The following SLC38A8 variants were observed in gnomAD, a reference collection of about 807,000 sequenced individuals.
SLC38A8 encodes amino acid transporter SLC38A8.
SLC38A8 carries 65 observed loss-of-function variants against 46.0 expected under a neutral mutation model. The observed-to-expected ratio is 1.41, with a 90% CI of 1.16 to 1.74. SLC38A8 has a LOEUF of 1.74. Among genes scored for constraint, SLC38A8 ranks in the 40% most tolerant of loss-of-function variants. The pLI is 0.00. For missense variants in SLC38A8, 998 were observed against 567.9 expected, an observed-to-expected ratio of 1.76 and a Z score of -7.70; for synonymous variants, 447 against 243.7, an observed-to-expected ratio of 1.83 and a Z score of -7.77.
At chr16:84,016,784 C>T (rs954887083) in intron 8 of SLC38A8, 57 bp from the exon 9 acceptor site, 80 of 1,552,106 alleles carry the variant, frequency 5.2e-5, no homozygotes, top group Middle Eastern at 2.3e-4. Flanking sequence ...AGCCTCCACC[C>T]GACAGCTGCT....
chr16:84,040,744 G>C (rs976089102), intron 2 of SLC38A8, among the ~76,000 whole-genome samples: 5 of 152,042 alleles, frequency 3.3e-5, no homozygotes, highest in African/African-American at 7.3e-5. Context: ...AGAGGCTTCC[G>C]ACCACGCCAT....
chr16:84,037,714 T>C (rs1265286492), intron 2 of SLC38A8, among the ~76,000 whole-genome samples: 1 of 151,060 alleles, frequency 6.6e-6, no homozygotes, highest in Non-Finnish European at 1.5e-5. Flanking sequence ...TGAGCCAAAA[T>C]TGTACCTCTG....
At chr16:84,028,045 ATT>A (rs11297375) in intron 6 of SLC38A8, among the ~76,000 whole-genome samples, 4,625 of 145,344 alleles carry the variant, frequency 0.032, 250 homozygotes, top group African/African-American at 0.11. Context: ...ATGTTTCAAG[ATT>A]TTTTTTTTTT....
In SLC38A8 at chr16:84,009,808, C is replaced by G. The variant is rs140069328; in HGVS notation, c.1284G>C (p.Ala428=). Residue 428 remains alanine (A), a synonymous_variant, in exon 11 of 11, where the codon GCG becomes GCC. Coordinates refer to ENST00000299709, the MANE Select transcript of SLC38A8 (RefSeq NM_001080442.3). ...ATCAGAACATCTCCCAGACCGCTGC[C>G]GCCGTGCTCTGCCCAAAGATGAAGG... ...VGTFIFGQST[A]AAVWEMF 4 of 1,614,020 alleles carry G rather than the reference C, an allele frequency of 2.5e-6. No individual in the cohort carries two copies. Among genetic ancestry groups the G allele is most frequent in the Non-Finnish European group, 1.7e-6 (2 of 1,179,940 alleles).
rs1395488526 is a variant in SLC38A8, at chr16:84,016,681, C to T, written c.1000G>A (p.Gly334Arg). ...FWRRSCLGGW[G>R]PSALADPSGL... is the part of the protein sequence containing the mutation. ...GAGGGGTCGGCCAGGGCGCTGGGCC[C>T]CCATCCCCCCAAGCAGCTCCTCCTC... The change falls in exon 9 of 11, where the codon GGG (glycine) becomes AGG (arginine). Residue 334 changes from glycine (G) to arginine (R), a missense_variant. By Grantham distance (125) the Gly-to-Arg change is moderately radical. Coordinates refer to ENST00000299709, the MANE Select transcript of SLC38A8 (RefSeq NM_001080442.3). 1 of 1,613,472 alleles carries T rather than the reference C, an allele frequency of 6.2e-7. No homozygotes were observed. The highest frequency in any genetic ancestry group is 1.7e-5 in the Admixed American group (1 of 60,016).
At chr16:84,022,007 T>G (rs1316198902) in intron 7 of SLC38A8, among the ~76,000 whole-genome samples, 1 of 152,196 alleles carries the variant, frequency 6.6e-6, no homozygotes, top group Non-Finnish European at 1.5e-5. Flanking sequence ...AATCCATGAA[T>G]AGATTAATCC....
chr16:84,016,472 G>C, intron 9 of SLC38A8, 47 bp downstream of exon 9: 1 of 1,595,802 alleles, frequency 6.3e-7, no homozygotes, highest in African/African-American at 1.3e-5. Flanking sequence ...ACAGAGATGA[G>C]CAGGGAAGAA....
intron 9 of SLC38A8, among the ~76,000 whole-genome samples, chr16:84,013,433 T>TTTTTTG (rs2084980435): frequency 7.8e-6 from 1 of 128,468 alleles, no homozygotes; most frequent in Non-Finnish European, 1.6e-5. Context: ...TGTTTTTTTT[T>TTTTTTG]TTTTTTTTTT....
intron 7 of SLC38A8, among the ~76,000 whole-genome samples, chr16:84,019,543 A>C (rs2085071545): frequency 6.6e-6 from 1 of 152,234 alleles, no homozygotes; most frequent in African/African-American, 2.4e-5. Flanking sequence ...ATTTAATTTC[A>C]ACAAGAGTTT....
At chr16:84,020,643 G>A (rs561625777) in intron 7 of SLC38A8, among the ~76,000 whole-genome samples, 22 of 152,294 alleles carry the variant, frequency 1.4e-4, no homozygotes, top group African/African-American at 3.4e-4. Flanking sequence ...CCAGGGTCCC[G>A]GGAGCAGAGA....
intron 6 of SLC38A8, among the ~76,000 whole-genome samples, chr16:84,025,080 C>G (rs561566607): frequency 6.6e-6 from 1 of 152,162 alleles, no homozygotes; most frequent in Non-Finnish European, 1.5e-5. Context: ...TGGTGATTCA[C>G]GAACAGCCAA....
intron 7 of SLC38A8, among the ~76,000 whole-genome samples, chr16:84,017,900 G>A (rs1312695313): frequency 6.6e-6 from 1 of 152,174 alleles, no homozygotes; most frequent in Non-Finnish European, 1.5e-5. Flanking sequence ...GTGGGAACAT[G>A]TGGAGGTGAT....
At chr16:84,025,425 G>A (rs563171561) in intron 6 of SLC38A8, among the ~76,000 whole-genome samples, 4 of 152,284 alleles carry the variant, frequency 2.6e-5, no homozygotes, top group East Asian at 1.9e-4. Flanking sequence ...GAGCCCTCCC[G>A]AGTGGGCTGG....
chr16:84,029,929 G>A (rs1358924736), intron 5 of SLC38A8, among the ~76,000 whole-genome samples: 5 of 152,186 alleles, frequency 3.3e-5, no homozygotes, highest in Non-Finnish European at 7.3e-5. Context: ...GCACAAGGAT[G>A]GTTTGAGCTC....
At chr16:84,023,566 G>A (rs973171378) in intron 6 of SLC38A8, among the ~76,000 whole-genome samples, 5 of 151,956 alleles carry the variant, frequency 3.3e-5, no homozygotes, top group South Asian at 4.1e-4. Flanking sequence ...CCTCAACACA[G>A]ACGAATCTCA....
intron 10 of SLC38A8, among the ~76,000 whole-genome samples, chr16:84,011,864 A>G (rs1433190904): frequency 6.6e-6 from 1 of 152,188 alleles, no homozygotes; most frequent in Non-Finnish European, 1.5e-5. Context: ...AGCCGGAGCA[A>G]CAGAGCAAGA....
At chr16:84,026,007 A>G (rs1356854403) in intron 6 of SLC38A8, among the ~76,000 whole-genome samples, 1 of 152,184 alleles carries the variant, frequency 6.6e-6, no homozygotes, top group Non-Finnish European at 1.5e-5. Flanking sequence ...AGTGCCCACA[A>G]TGGGGACCTC....
chr16:84,020,885 C>A (rs939036372), intron 7 of SLC38A8, among the ~76,000 whole-genome samples: 1 of 152,222 alleles, frequency 6.6e-6, no homozygotes, highest in African/African-American at 2.4e-5. Flanking sequence ...CTCTATACGG[C>A]CAGGCTGAAA....
chr16:84,009,882 C>CA lies in SLC38A8; in HGVS notation c.1215-6dup. On this transcript the variant is annotated splice_region_variant and splice_polypyrimidine_tract_variant and intron_variant, in intron 10 of 10. Transcript: ENST00000299709. The stretch of plus-strand genomic sequence containing the variant: ...CCCCAGACCTCCAGGCAGCACCTGC[C>CA]AAGTGAATAAACCCATGTCAGAGCT... 3.1e-6 allele frequency: 5 copies of CA among 1,612,306 alleles called. No individual in the cohort carries two copies. Among genetic ancestry groups the CA allele is most frequent in the Non-Finnish European group, 3.4e-6 (4 of 1,179,460 alleles).
Sources: allele counts gnomAD v4.1 joint callset (sites outside exome capture counted in the v4.1 genomes callset), GRCh38; gene constraint gnomAD v4.1.1; transcripts MANE v1.5; gene names NCBI Gene and HGNC (gene_info 2026-07-23, HGNC 2026-07-21).